Variants in UNC13C observed in about 807,000 individuals in gnomAD.
UNC13C encodes protein unc-13 homolog C.
In UNC13C, 174 loss-of-function variants were observed where a neutral mutation model predicts 245.4. That is an observed-to-expected ratio of 0.71 (90% CI 0.63 to 0.80). UNC13C has a LOEUF of 0.80. Among genes scored for constraint, UNC13C ranks in the 30% least tolerant of loss-of-function variants. The pLI is 0.00. For missense variants in UNC13C, 2,829 were observed against 2,602.9 expected (o/e 1.09, Z -1.89); for synonymous variants, 992 against 895.1 (o/e 1.11, Z -1.93).
Position 54,235,012 on chromosome 15 carries a change from T to C in UNC13C, c.3072-18T>C. ...TCATTTTACCCATTGCAATTATTGG[T>C]TTTATTTTGTCTTTCAGGGCTGGAG... On this transcript the variant is annotated intron_variant, in intron 4 of 32. Transcript: ENST00000260323. 6.2e-7 allele frequency: 1 copy of C among 1,612,622 alleles called. No homozygotes were observed. Among genetic ancestry groups the C allele is most frequent in the Non-Finnish European group, 8.5e-7 (1 of 1,178,768 alleles).
intron 17 of UNC13C, among the ~76,000 whole-genome samples, chr15:54,343,680 A>G (rs2038791385): frequency 6.6e-6 from 1 of 152,196 alleles, no homozygotes; most frequent in African/African-American, 2.4e-5. Flanking sequence ...AAAATTATTC[A>G]TTACACCCAT....
chr15:53,937,669 G>A, the UNC13C span, among the ~76,000 whole-genome samples: 2 of 152,164 alleles, frequency 1.3e-5, no homozygotes, highest in South Asian at 4.1e-4. Flanking sequence ...AAATCCATCA[G>A]ACTAACAGTG....
Position 53,985,435 on chromosome 15 carries a change from GCTA to G in UNC13C, c.-257+6512_-257+6514del, listed in dbSNP as rs151123382. 2.9e-3 allele frequency among the ~76,000 whole-genome samples: 436 copies of G among 150,920 alleles called. 2 individuals are homozygous for G. The highest frequency in any genetic ancestry group is 7.6e-3 in the Admixed American group (115 of 15,128). ...AGGTTTGTTACATATGTATACATGT[GCTA>G]CTATGTATACATGTATACATGTGTT... On this transcript the variant is annotated intron_variant, in intron 1 of 32. Coordinates refer to ENST00000260323, the MANE Select transcript of UNC13C (RefSeq NM_001080534.3).
At chr15:54,076,897 G>T (rs28641559) in intron 2 of UNC13C, among the ~76,000 whole-genome samples, 31,712 of 152,122 alleles carry the variant, frequency 0.21, 3,801 homozygotes, top group South Asian at 0.33. Context: ...TTGATTTAGA[G>T]AAATTATTAT....
intron 22 of UNC13C, 73 bp from the exon 23 acceptor site, chr15:54,507,044 A>C (rs762105249): frequency 1.6e-5 from 15 of 944,658 alleles, no homozygotes; most frequent in Non-Finnish European, 2.0e-5. Flanking sequence ...AAGTTAACTT[A>C]GGATTAAACT....
At chr15:53,885,906 T>C in the UNC13C span, among the ~76,000 whole-genome samples, 1 of 152,120 alleles carries the variant, frequency 6.6e-6, no homozygotes. Context: ...TTGTTTCTCG[T>C]TGGGTATGGT....
intron 30 of UNC13C, among the ~76,000 whole-genome samples, chr15:54,572,611 G>A (rs1387194858): frequency 6.6e-6 from 1 of 151,640 alleles, no homozygotes; most frequent in African/African-American, 2.4e-5. Context: ...TTTTTTAGTA[G>A]AGATGGATTT....
intron 4 of UNC13C, among the ~76,000 whole-genome samples, chr15:54,188,675 C>G (rs942726081): frequency 1.3e-5 from 2 of 152,234 alleles, no homozygotes; most frequent in East Asian, 3.9e-4. Context: ...TGTATATTAG[C>G]CCTTATTTGT....
At chr15:54,077,278 A>T (rs192024669) in intron 2 of UNC13C, among the ~76,000 whole-genome samples, 1 of 151,614 alleles carries the variant, frequency 6.6e-6, no homozygotes, top group Non-Finnish European at 1.5e-5. Flanking sequence ...GTGCATTTTG[A>T]TACATTTTCT....
At chr15:54,141,207 A>T (rs1331190911) in intron 2 of UNC13C, among the ~76,000 whole-genome samples, 1 of 152,062 alleles carries the variant, frequency 6.6e-6, no homozygotes, top group Non-Finnish European at 1.5e-5. Context: ...CTATATAGTT[A>T]CTCTGTTGAC....
At chr15:53,842,190 A>T in the UNC13C span, among the ~76,000 whole-genome samples, 12 of 152,294 alleles carry the variant, frequency 7.9e-5, no homozygotes, top group East Asian at 2.3e-3. Flanking sequence ...TATTAGTCTT[A>T]AGAGGGGGAA....
chr15:54,335,865 TG>T, intron 16 of UNC13C, among the ~76,000 whole-genome samples: 1 of 152,298 alleles, frequency 6.6e-6, no homozygotes, highest in African/African-American at 2.4e-5. Context: ...TTATGTTCCT[TG>T]GGTTAAATCC....
intron 4 of UNC13C, among the ~76,000 whole-genome samples, chr15:54,194,377 C>A (rs944322976): frequency 6.6e-6 from 1 of 152,020 alleles, no homozygotes. Context: ...TAACATCCTC[C>A]GTTTGTAGAA....
chr15:54,500,606 C>T (rs556563131), intron 21 of UNC13C, among the ~76,000 whole-genome samples: 1 of 152,210 alleles, frequency 6.6e-6, no homozygotes, highest in African/African-American at 2.4e-5. Context: ...GAACCAGTAC[C>T]TCAATTCAGC....
At chr15:53,945,909 A>G in the UNC13C span, among the ~76,000 whole-genome samples, 3 of 152,018 alleles carry the variant, frequency 2.0e-5, no homozygotes, top group African/African-American at 7.2e-5. Flanking sequence ...TGTTTGTGTC[A>G]TCCCTGATTT....
chr15:54,326,220 G>A (rs547011695), intron 14 of UNC13C, among the ~76,000 whole-genome samples: 58 of 152,178 alleles, frequency 3.8e-4, no homozygotes, highest in African/African-American at 1.3e-3. Context: ...TGTCAGGAAA[G>A]ACAAGTGTTG....
At chr15:54,490,694 C>T (rs541841466) in intron 19 of UNC13C, among the ~76,000 whole-genome samples, 1 of 150,260 alleles carries the variant, frequency 6.7e-6, no homozygotes, top group Non-Finnish European at 1.5e-5. Context: ...ATAAATTCAA[C>T]ATTCACCCAG....
intron 19 of UNC13C, among the ~76,000 whole-genome samples, chr15:54,429,171 G>C (rs1596362236): frequency 6.6e-6 from 1 of 151,796 alleles, no homozygotes; most frequent in Non-Finnish European, 1.5e-5. Context: ...ACCATTAGCA[G>C]CCACTCTCTG....
chr15:54,253,236 GCACCTT>G (rs1332337359), intron 8 of UNC13C, among the ~76,000 whole-genome samples: 2 of 152,148 alleles, frequency 1.3e-5, no homozygotes, highest in Non-Finnish European at 2.9e-5. Context: ...TGTGACTTGT[GCACCTT>G]CAGTCAAGTG....
Sources: allele counts gnomAD v4.1 joint callset (sites outside exome capture counted in the v4.1 genomes callset), GRCh38; gene constraint gnomAD v4.1.1; transcripts MANE v1.5; gene names NCBI Gene and HGNC (gene_info 2026-07-23, HGNC 2026-07-21).